ABITRAM: variants seen among roughly 807,000 people sequenced by gnomAD.
ABITRAM encodes the protein actin binding transcription modulator.
In ABITRAM, 19 loss-of-function variants were observed where a neutral mutation model predicts 22.9. That is an observed-to-expected ratio of 0.83 (90% CI 0.58 to 1.22). ABITRAM has a LOEUF of 1.22. ABITRAM is among the 50% of genes most tolerant of loss of function. The pLI is 0.00. For synonymous variants in ABITRAM, 70 were observed against 73.9 expected (o/e 0.95, Z 0.27); for missense variants, 215 against 220.2 (o/e 0.98, Z 0.15).
downstream of ABITRAM, chr9:108,944,011 G>T (rs1443603823): frequency 2.5e-6 from 4 of 1,613,378 alleles, no homozygotes; most frequent in South Asian, 4.4e-5. Flanking sequence ...ACCCTCTGCA[G>T]CAAAAACCTG....
chr9:108,934,519 G>A lies in ABITRAM; in HGVS notation c.33G>A (p.Val11=). ...CCGAGCCCGAAGCCGCGGAGCCGGT[G>A]GTGCCTTCGCTCGTGGATCGATACT... is the stretch of plus-strand genomic sequence containing the variant. MATEPEAAEP[V]VPSLVDRYFT... Residue 11 remains valine (V), a synonymous_variant, in exon 1 of 6, where the codon GTG becomes GTA. Transcript: ENST00000322940. The A allele has an allele frequency of 6.2e-7, 1 of 1,606,502 alleles. No individual in the cohort carries two copies. Among genetic ancestry groups the A allele is most frequent in the South Asian group, 1.1e-5 (1 of 89,938 alleles).
chr9:108,943,620 G>A, downstream of ABITRAM: 2 of 1,131,020 alleles, frequency 1.8e-6, no homozygotes, highest in Non-Finnish European at 2.5e-6. Flanking sequence ...CCCTTCTGTG[G>A]GTACTAACAG....
At chr9:108,942,706 T>C, downstream of ABITRAM, 5 of 1,081,888 alleles carry the variant, frequency 4.6e-6, no homozygotes, top group South Asian at 2.7e-5. Context: ...TAAAGGATCA[T>C]TTGATTTTTA....
rs1488837776 is a variant in ABITRAM at position 108,940,903 on chromosome 9, AACAT to A, written c.*1222_*1225del. ...CGTGTTATTTTTCTGTAAGGGCTAT[AACAT>A]ACATGTCAATATCACTGTTTTTAAA... On this transcript the variant is annotated 3_prime_UTR_variant, in exon 6 of 6. Transcript: ENST00000322940. The A allele has an allele frequency of 6.6e-6, 1 of 152,198 alleles. No individual in the cohort carries two copies. The highest frequency in any genetic ancestry group is 1.9e-4 in the East Asian group (1 of 5,194). The allele number at this position is 152,198 out of a possible 1,614,324, so 9.4% of individuals were successfully genotyped here.
downstream of ABITRAM, among the ~76,000 whole-genome samples, chr9:108,942,274 A>G (rs932706217): frequency 6.6e-5 from 10 of 152,200 alleles, no homozygotes; most frequent in East Asian, 3.9e-4. Context: ...TGCTGCTGGC[A>G]TGGACAATCT....
At chr9:108,939,493 C>A in intron 5 of ABITRAM, 39 bp downstream of exon 5, 4 of 1,604,620 alleles carry the variant, frequency 2.5e-6, no homozygotes, top group Non-Finnish European at 3.4e-6. Context: ...ATCCACATAC[C>A]TTTTATTGGT....
At chr9:108,948,328 C>A in intron 3 of ABITRAM, 3 of 1,205,308 alleles carry the variant, frequency 2.5e-6, no homozygotes, top group Non-Finnish European at 3.5e-6. Context: ...TGTGTATTAA[C>A]AAATCCTAAA....
chr9:108,945,329 T>C (rs1830368179), downstream of ABITRAM, among the ~76,000 whole-genome samples: 1 of 152,184 alleles, frequency 6.6e-6, no homozygotes, highest in South Asian at 2.1e-4. Flanking sequence ...CATCTCTAAA[T>C]TATAATATCT....
chr9:108,942,991 A>G, downstream of ABITRAM: 1 of 1,613,116 alleles, frequency 6.2e-7, no homozygotes, highest in Non-Finnish European at 8.5e-7. Context: ...AAAGTGAAAG[A>G]AGTTGGACTA....
At chr9:108,943,328 T>C (rs997214237), downstream of ABITRAM, among the ~76,000 whole-genome samples, 4 of 152,156 alleles carry the variant, frequency 2.6e-5, no homozygotes, top group East Asian at 7.7e-4. Flanking sequence ...ACACTCCAAA[T>C]AGTGGAATTA....
intron 3 of ABITRAM, among the ~76,000 whole-genome samples, chr9:108,950,131 T>C (rs1407902087): frequency 6.6e-6 from 1 of 152,206 alleles, no homozygotes; most frequent in Non-Finnish European, 1.5e-5. Flanking sequence ...CAAGTCTTAT[T>C]AGTCAAAAAC....
At chr9:108,946,110 C>G (rs1830396703) in intron 3 of ABITRAM, among the ~76,000 whole-genome samples, 1 of 152,018 alleles carries the variant, frequency 6.6e-6, no homozygotes, top group South Asian at 2.1e-4. Context: ...ACCATCCTGG[C>G]CAACATGGTG....
In ABITRAM at chr9:108,936,835, GA is replaced by G. The variant is rs549199660; in HGVS notation, c.261+406del. ...TATATTTCCACATGTAAATTAAACA[GA>G]AAAAAAATTCCCAAGGGAGTTAGAA... On this transcript the variant is annotated intron_variant, in intron 3 of 5. Transcript: ENST00000322940. 9.8e-4 allele frequency among the ~76,000 whole-genome samples: 144 copies of G among 147,524 alleles called. 2 individuals carry two copies. The East Asian group carries it at 0.024, about 25-fold the overall frequency.
downstream of ABITRAM, chr9:108,943,906 C>G: frequency 6.2e-7 from 1 of 1,600,038 alleles, no homozygotes; most frequent in Admixed American, 1.7e-5. Flanking sequence ...ATTATACCCC[C>G]AAAGTAGGTT....
At chr9:108,944,717 G>A (rs376819326), downstream of ABITRAM, among the ~76,000 whole-genome samples, 5 of 152,218 alleles carry the variant, frequency 3.3e-5, no homozygotes, top group South Asian at 2.1e-4. Context: ...TTTAGGTGGC[G>A]TCAGTAATAA....
intron 3 of ABITRAM, among the ~76,000 whole-genome samples, chr9:108,949,995 G>A (rs1011887950): frequency 2.8e-5 from 4 of 145,200 alleles, no homozygotes; most frequent in Non-Finnish European, 4.5e-5. Flanking sequence ...CTGCACTCCA[G>A]CCTGGGTGAC....
chr9:108,945,854 G>T (rs929347035), downstream of ABITRAM, among the ~76,000 whole-genome samples: 4 of 152,134 alleles, frequency 2.6e-5, no homozygotes, highest in South Asian at 8.3e-4. Context: ...GGAGGGCCAA[G>T]TGTATATCCT....
Position 108,934,402 on chromosome 9 carries a change from G to T in ABITRAM, c.-85G>T, listed in dbSNP as rs371785709. The stretch of plus-strand genomic sequence containing the variant: ...CGCGCGTGCGCACGACACGCGCTGT[G>T]CGCCGGAAGAGCACGCCCAGTCCGG... On this transcript the variant is annotated 5_prime_UTR_variant, in exon 1 of 6. Transcript: ENST00000322940. 1.7e-4 allele frequency: 207 copies of T among 1,186,810 alleles called. 3 individuals carry two copies. The East Asian group carries it at 2.4e-3, about 14-fold the overall frequency. The allele number at this position is 1,186,810 out of a possible 1,614,324, so 73.5% of individuals were successfully genotyped here.
exon 4 of ABITRAM, chr9:108,950,608 G>A (rs1830534532): frequency 1.3e-6 from 2 of 1,549,320 alleles, no homozygotes; most frequent in Non-Finnish European, 1.7e-6. Context: ...CCTTCTATAG[G>A]AAGGAATCTT....
Sources: allele counts gnomAD v4.1 joint callset (sites outside exome capture counted in the v4.1 genomes callset), GRCh38; gene constraint gnomAD v4.1.1; transcripts MANE v1.5; gene names NCBI Gene and HGNC (gene_info 2026-07-23, HGNC 2026-07-21).